DSCAM: variants seen among roughly 807,000 people sequenced by gnomAD.
DSCAM encodes the protein DS cell adhesion molecule, also known as cell adhesion molecule DSCAM.
Under a neutral mutation model 217.7 loss-of-function variants are expected in DSCAM, and 47 were observed. The ratio of observed to expected loss-of-function variants is 0.22; its 90% CI spans 0.17 to 0.28. The LOEUF (loss-of-function observed/expected upper bound fraction) is 0.28, where lower values mean the gene tolerates loss of function less well. Ranked by LOEUF, DSCAM falls within the 10% of genes least tolerant of loss-of-function variation. DSCAM has a pLI of 1.00. For missense variants in DSCAM, 2,080 were observed against 2,618.3 expected, an observed-to-expected ratio of 0.79 and a Z score of 4.49; for synonymous variants, 1,056 against 1,015.3, an observed-to-expected ratio of 1.04 and a Z score of -0.76.
intron 32 of DSCAM, among the ~76,000 whole-genome samples, chr21:40,032,958 AC>A (rs2088556068): frequency 6.6e-6 from 1 of 152,204 alleles, no homozygotes; most frequent in Non-Finnish European, 1.5e-5. Flanking sequence ...CCTCCAACTA[AC>A]AAAGCATTGC....
At chr21:40,206,238 A>T (rs1856462837) in intron 11 of DSCAM, among the ~76,000 whole-genome samples, 2 of 152,214 alleles carry the variant, frequency 1.3e-5, no homozygotes, top group South Asian at 4.1e-4. Context: ...CCTTCATCCC[A>T]GTAGGTGTGT....
chr21:40,417,496 CAT>C (rs1331473617), intron 3 of DSCAM, among the ~76,000 whole-genome samples: 3 of 152,060 alleles, frequency 2.0e-5, no homozygotes, highest in Non-Finnish European at 4.4e-5. Context: ...ATTTCAGAAA[CAT>C]GAACACAAGT....
intron 6 of DSCAM, among the ~76,000 whole-genome samples, chr21:40,340,666 C>A (rs1310429758): frequency 6.6e-6 from 1 of 151,966 alleles, no homozygotes; most frequent in Non-Finnish European, 1.5e-5. Flanking sequence ...AGGGTTGTCC[C>A]ATAATGAAAG....
At chr21:40,388,828 C>A (rs2075109620) in intron 3 of DSCAM, among the ~76,000 whole-genome samples, 1 of 152,124 alleles carries the variant, frequency 6.6e-6, no homozygotes, top group Admixed American at 6.5e-5. Context: ...GCAAATCTTG[C>A]TTTTTAATTT....
At chr21:40,767,888 T>TTCTCTC (rs1555887123) in intron 1 of DSCAM, among the ~76,000 whole-genome samples, 4 of 150,970 alleles carry the variant, frequency 2.6e-5, no homozygotes, top group African/African-American at 7.3e-5. Context: ...TTTTCTCTCT[T>TTCTCTC]TCTCTCTCTC....
chr21:40,341,828 T>C (rs1457872499), intron 6 of DSCAM, among the ~76,000 whole-genome samples: 1 of 152,214 alleles, frequency 6.6e-6, no homozygotes, highest in Non-Finnish European at 1.5e-5. Flanking sequence ...CTAATATCCC[T>C]CGTCACTGTT....
chr21:40,330,364 C>CATATATTTATATATAATAAATTATGA (rs2074364986), intron 8 of DSCAM, among the ~76,000 whole-genome samples: 1 of 140,968 alleles, frequency 7.1e-6, no homozygotes, highest in Non-Finnish European at 1.5e-5. Context: ...ATAAATTATG[C>CATATATTTATATATAATAAATTATGA]ATATATTTAT....
At chr21:40,823,227 GTC>G (rs147677431) in intron 1 of DSCAM, among the ~76,000 whole-genome samples, 1 of 138,054 alleles carries the variant, frequency 7.2e-6, no homozygotes, top group Non-Finnish European at 1.5e-5. Flanking sequence ...GTGTGTGTGT[GTC>G]AATAAGTGTG....
intron 32 of DSCAM, among the ~76,000 whole-genome samples, chr21:40,037,107 A>C (rs1365292924): frequency 6.7e-6 from 1 of 150,204 alleles, no homozygotes; most frequent in Non-Finnish European, 1.5e-5. Context: ...AACTGGCACA[A>C]GACAGGGATG....
intron 3 of DSCAM, among the ~76,000 whole-genome samples, chr21:40,666,925 C>G (rs1011390679): frequency 2.2e-4 from 33 of 152,300 alleles, no homozygotes; most frequent in African/African-American, 7.5e-4. Context: ...TTCATCTGCT[C>G]CATTAGTGAA....
intron 1 of DSCAM, among the ~76,000 whole-genome samples, chr21:40,764,369 T>C (rs2091366666): frequency 6.6e-6 from 1 of 150,764 alleles, no homozygotes; most frequent in South Asian, 2.1e-4. Context: ...TCACTGGTCA[T>C]TAGAGAAATG....
At chr21:40,806,909 A>G (rs2091792841) in intron 1 of DSCAM, among the ~76,000 whole-genome samples, 1 of 152,032 alleles carries the variant, frequency 6.6e-6, no homozygotes. Flanking sequence ...CAGTTGAACA[A>G]TGAGAACACA....
At chr21:40,622,671 G>C (rs1415837085) in intron 3 of DSCAM, among the ~76,000 whole-genome samples, 1 of 152,142 alleles carries the variant, frequency 6.6e-6, no homozygotes, top group East Asian at 1.9e-4. Context: ...GAGGGGTCTA[G>C]TTGGAAAGCT....
At chr21:40,838,028 T>G (rs558504026) in intron 1 of DSCAM, among the ~76,000 whole-genome samples, 1 of 152,242 alleles carries the variant, frequency 6.6e-6, no homozygotes, top group African/African-American at 2.4e-5. Context: ...GTGAAAAGAA[T>G]TGAATCTTGA....
At chr21:40,803,694 G>C (rs1206075137) in intron 1 of DSCAM, among the ~76,000 whole-genome samples, 1 of 152,062 alleles carries the variant, frequency 6.6e-6, no homozygotes, top group Non-Finnish European at 1.5e-5. Flanking sequence ...GAATATACTG[G>C]CATTTATGTA....
chr21:40,846,236 G>A lies in DSCAM; in HGVS notation c.43+383C>T, dbSNP rs920518020. ...GTTCCTCATTGACCCCTCCACTTGC[G>A]TGCACTTGGAATGTCACATCCCTTT... On this transcript the variant is annotated intron_variant, in intron 1 of 32. Coordinates refer to ENST00000400454, the MANE Select transcript of DSCAM (RefSeq NM_001389.5). Among the ~76,000 whole-genome samples the A allele has an allele frequency of 3.9e-5, 6 of 152,024 alleles. 1 individual carries two copies. Among genetic ancestry groups the A allele is most frequent in the South Asian group, 4.2e-4 (2 of 4,816 alleles).
At chr21:40,186,091 A>G (rs78371051) in intron 14 of DSCAM, among the ~76,000 whole-genome samples, 1 of 152,184 alleles carries the variant, frequency 6.6e-6, no homozygotes, top group East Asian at 1.9e-4. Context: ...GTTTTGATCC[A>G]TATCTTCTCA....
At chr21:40,424,456 C>G (rs566248863) in intron 3 of DSCAM, among the ~76,000 whole-genome samples, 1 of 152,224 alleles carries the variant, frequency 6.6e-6, no homozygotes, top group East Asian at 1.9e-4. Context: ...ATAATACAAA[C>G]CAACAAGAGC....
chr21:40,474,666 T>C (rs931869348), intron 3 of DSCAM, among the ~76,000 whole-genome samples: 1 of 152,146 alleles, frequency 6.6e-6, no homozygotes, highest in Non-Finnish European at 1.5e-5. Context: ...GTCAGCGAAT[T>C]ACCTCAGGTT....
Sources: gnomAD v4.1 joint callset for allele counts (sites outside exome capture counted in the v4.1 genomes callset) on GRCh38, gnomAD v4.1.1 for gene constraint, MANE v1.5 for transcripts, NCBI Gene and HGNC (gene_info 2026-07-23, HGNC 2026-07-21) for gene names.